TNFRSF11A: variants seen among roughly 807,000 people sequenced by gnomAD.
TNFRSF11A encodes the protein tumor necrosis factor receptor superfamily member 11A.
In TNFRSF11A, 32 loss-of-function variants were observed where a neutral mutation model predicts 55.7. The ratio of observed to expected loss-of-function variants is 0.57; its 90% CI spans 0.43 to 0.77. TNFRSF11A has a LOEUF of 0.77. Ranked by LOEUF, TNFRSF11A falls within the 30% of genes least tolerant of loss-of-function variation. TNFRSF11A has a pLI of 0.00. For synonymous variants in TNFRSF11A, 311 were observed against 331.0 expected (o/e 0.94, Z 0.65); for missense variants, 753 against 809.8 (o/e 0.93, Z 0.85).
chr18:62,368,156 T>G (rs1910237848), intron 8 of TNFRSF11A, among the ~76,000 whole-genome samples: 1 of 152,222 alleles, frequency 6.6e-6, no homozygotes, highest in Non-Finnish European at 1.5e-5. Context: ...CTGATTTCTC[T>G]AATTCCAGGC....
At chr18:62,376,524 C>T (rs1910908310) in intron 9 of TNFRSF11A, among the ~76,000 whole-genome samples, 1 of 152,106 alleles carries the variant, frequency 6.6e-6, no homozygotes, top group African/African-American at 2.4e-5. Context: ...ACAGAGATTT[C>T]CTATATACCT....
chr18:62,365,956 T>C (rs1200768331), intron 7 of TNFRSF11A, among the ~76,000 whole-genome samples: 1 of 152,148 alleles, frequency 6.6e-6, no homozygotes, highest in Admixed American at 6.5e-5. Context: ...TAGCTGGGAT[T>C]ACAGGACATT....
In TNFRSF11A at chr18:62,368,945, T is replaced by G. The variant is rs1271976665; in HGVS notation, c.1028T>G (p.Met343Arg). The G allele has an allele frequency of 1.2e-6, 2 of 1,614,274 alleles. No individual in the cohort carries two copies. The highest frequency in any genetic ancestry group is 3.3e-5 in the Admixed American group (2 of 60,034). Residue 343 changes from methionine (M) to arginine (R), a missense_variant, in exon 9 of 10, where the codon ATG becomes AGG. This residue lies in a region of TNFRSF11A where 567 missense variants were observed against 596.7 expected (regional missense o/e 0.95). Transcript: ENST00000586569. Reference sequence around the variant, plus strand: ...ATAGAGGAAGACAGCTTCAGACAGATGCCCACAGAAGATGAATACATGGAC... The same window carrying G: ...ATAGAGGAAGACAGCTTCAGACAGAGGCCCACAGAAGATGAATACATGGAC... ...TEIEEDSFRQ[M>R]PTEDEYMDRP...
intron 1 of TNFRSF11A, chr18:62,336,865 T>C (rs2046241505): frequency 1.3e-5 from 2 of 152,228 alleles, no homozygotes; most frequent in Non-Finnish European, 1.5e-5. Flanking sequence ...CCTTGGGCCA[T>C]ATGTTTTCTT....
chr18:62,331,422 T>C (rs60915364), intron 1 of TNFRSF11A, among the ~76,000 whole-genome samples: 3,931 of 152,196 alleles, frequency 0.026, 231 homozygotes, highest in East Asian at 0.21. Context: ...GAATCTCCCC[T>C]TTTTTGGGTT....
intron 1 of TNFRSF11A, among the ~76,000 whole-genome samples, chr18:62,334,508 C>G (rs567322546): frequency 1.3e-5 from 2 of 152,188 alleles, no homozygotes; most frequent in Non-Finnish European, 2.9e-5. Context: ...CCTTGGAGCC[C>G]CAGGGCAGCA....
chr18:62,362,490 CAAAAAAAAAAAA>C (rs57219485), intron 7 of TNFRSF11A, among the ~76,000 whole-genome samples: 1 of 75,872 alleles, frequency 1.3e-5, no homozygotes. Context: ...AACTTCATCT[CAAAAAAAAAAAA>C]AAAAAAAAAA....
rs185315568 is a variant in TNFRSF11A at position 62,326,073 on chromosome 18, C to A, written c.75+646C>A. On this transcript the variant is annotated intron_variant, in intron 1 of 9. Transcript: ENST00000586569. ...CAGGTTTCTCAGTACAGTTAGCAAG[C>A]GAATGCAGCCAGGCACGGACTTTCT... Among the ~76,000 whole-genome samples the A allele has an allele frequency of 9.3e-4, 142 of 152,352 alleles. 1 individual carries two copies. The highest frequency in any genetic ancestry group is 3.3e-3 in the African/African-American group (138 of 41,592).
chr18:62,378,384 T>C (rs985623239), intron 9 of TNFRSF11A, among the ~76,000 whole-genome samples: 3 of 152,192 alleles, frequency 2.0e-5, no homozygotes, highest in Admixed American at 2.0e-4. Context: ...GACAATCATA[T>C]GATTGAGGAC....
intron 1 of TNFRSF11A, among the ~76,000 whole-genome samples, chr18:62,346,536 G>T (rs139309881): frequency 6.6e-6 from 1 of 152,140 alleles, no homozygotes. Flanking sequence ...TGTGTTACCC[G>T]GTGTCCACGG....
chr18:62,381,596 G>A (rs1432003641), intron 9 of TNFRSF11A, among the ~76,000 whole-genome samples: 1 of 152,182 alleles, frequency 6.6e-6, no homozygotes, highest in Non-Finnish European at 1.5e-5. Flanking sequence ...ATGTCGTAGT[G>A]AGAACACCTC....
chr18:62,361,999 G>A (rs1909723145), intron 7 of TNFRSF11A, among the ~76,000 whole-genome samples: 1 of 152,182 alleles, frequency 6.6e-6, no homozygotes, highest in African/African-American at 2.4e-5. Context: ...GTATATAAGG[G>A]AACAGGAATA....
At position 62,369,235 on chromosome 18, in the gene TNFRSF11A, C is replaced by A. The variant is rs989248472; in HGVS notation, c.1318C>A (p.Pro440Thr). The stretch of plus-strand genomic sequence containing the variant: ...CCCGCACTGGGCAGCCAGCCCCAGC[C>A]CCAACTGGGCAGATGTCTGCACAGG... Reference protein sequence around the residue: ...HCPHWAASPSPNWADVCTGCR... With the variant: ...HCPHWAASPSTNWADVCTGCR... The change falls in exon 9 of 10, where the codon CCC (proline) becomes ACC (threonine). Residue 440 changes from proline (P) to threonine (T), a missense_variant. Pro to Thr is a conservative substitution (Grantham distance 38). Around this residue, in one of 3 missense-constraint regions of TNFRSF11A, gnomAD observed 567 missense variants for 596.7 expected, o/e 0.95. Coordinates refer to ENST00000586569, the MANE Select transcript of TNFRSF11A (RefSeq NM_003839.4). 2 of 1,613,694 alleles carry A rather than the reference C, an allele frequency of 1.2e-6. No individual in the cohort carries two copies. Among genetic ancestry groups the A allele is most frequent in the Admixed American group, 3.3e-5 (2 of 60,034 alleles).
chr18:62,341,833 TG>T (rs1201673729), intron 1 of TNFRSF11A, among the ~76,000 whole-genome samples: 2 of 103,478 alleles, frequency 1.9e-5, no homozygotes, highest in Non-Finnish European at 3.7e-5. Flanking sequence ...AGGCTGAGAA[TG>T]GCTTTTTTTT....
At chr18:62,357,595 G>A (rs1909355166) in intron 4 of TNFRSF11A, among the ~76,000 whole-genome samples, 1 of 152,358 alleles carries the variant, frequency 6.6e-6, no homozygotes, top group East Asian at 1.9e-4. Context: ...CCATAGGCCT[G>A]CAAAGCCTAA....
Position 62,369,401 on chromosome 18 carries a change from A to G in TNFRSF11A, c.1484A>G (p.Asp495Gly). 1 of 1,611,712 alleles carries G rather than the reference A, an allele frequency of 6.2e-7. No homozygotes were observed. Among genetic ancestry groups the G allele is most frequent in the East Asian group, 2.2e-5 (1 of 44,876 alleles). ...SRTEARDQPEDGADGRLPSSA... is the reference protein window; with the variant it reads ...SRTEARDQPEGGADGRLPSSA... ...ACGGAGGCCAGAGACCAGCCCGAGG[A>G]TGGGGCTGATGGGAGGCTCCCAAGC... is the stretch of plus-strand genomic sequence containing the variant. The change falls in exon 9 of 10, where the codon GAT (aspartate) becomes GGT (glycine). Residue 495 changes from aspartate to glycine, a missense_variant. Coordinates refer to ENST00000586569, the MANE Select transcript of TNFRSF11A (RefSeq NM_003839.4).
At chr18:62,366,845 C>T (rs577270639) in intron 8 of TNFRSF11A, 85 bp downstream of exon 8, 13 of 1,320,232 alleles carry the variant, frequency 9.8e-6, no homozygotes, top group South Asian at 4.7e-5. Context: ...ATTGAGCACC[C>T]CCCCCCACCC....
rs972472785 is a variant in TNFRSF11A, at chr18:62,385,344, G to T, written c.*310G>T. The T allele has an allele frequency of 2.6e-5, 2 of 77,358 alleles. No homozygotes were observed. Among genetic ancestry groups the T allele is most frequent in the South Asian group, 3.1e-4 (1 of 3,246 alleles). The allele number at this position is 77,358 out of a possible 1,614,324, so 4.8% of individuals were successfully genotyped here. On this transcript the variant is annotated 3_prime_UTR_variant, in exon 10 of 10. Transcript: ENST00000586569. ...TATTTTTATGACTATCCTGTTCTGT[G>T]GGGGGGGGGGTCTGTTTTCCCCCCA...
chr18:62,325,435 G>C lies in TNFRSF11A; in HGVS notation c.75+8G>C. 1 of 1,258,170 alleles carries C rather than the reference G, an allele frequency of 7.9e-7. No homozygotes were observed. Among genetic ancestry groups the C allele is most frequent in the Non-Finnish European group, 1.0e-6 (1 of 989,106 alleles). The allele number at this position is 1,258,170 out of a possible 1,614,324, so 77.9% of individuals were successfully genotyped here. A position where few individuals can be genotyped will look rare whatever the true frequency, so the allele number is the denominator to read the frequency against. Reference sequence around the variant, plus strand: ...CTGCTCGCCCGGCTGCAGGTAAGGAGCGCCCGCGCCTGCCGGGCCGCGCGG... The same window carrying C: ...CTGCTCGCCCGGCTGCAGGTAAGGACCGCCCGCGCCTGCCGGGCCGCGCGG... On this transcript the variant is annotated splice_region_variant and intron_variant, in intron 1 of 9. Coordinates refer to ENST00000586569, the MANE Select transcript of TNFRSF11A (RefSeq NM_003839.4). This position sits in a 1 kb window ranked among gnomAD's most constrained non-coding sequence, Gnocchi z 4.7.
Sources: allele counts gnomAD v4.1 joint callset (sites outside exome capture counted in the v4.1 genomes callset), GRCh38; gene constraint gnomAD v4.1.1; regional missense constraint gnomAD v4.1.1; non-coding constraint Gnocchi (gnomAD v3.1); transcripts MANE v1.5; gene names NCBI Gene and HGNC (gene_info 2026-07-23, HGNC 2026-07-21).